MADD: variants seen among roughly 807,000 people sequenced by gnomAD.
MADD encodes the protein MAP kinase-activating death domain protein.
In MADD, 109 loss-of-function variants were observed where a neutral mutation model predicts 176.7. That is an observed-to-expected ratio of 0.62 (90% CI 0.53 to 0.72). The LOEUF (loss-of-function observed/expected upper bound fraction) is 0.72. Among genes scored for constraint, MADD ranks in the 30% least tolerant of loss-of-function variants. MADD has a pLI of 0.00. For synonymous variants in MADD, 771 were observed against 771.3 expected, an observed-to-expected ratio of 1.00 and a Z score of 0.01; for missense variants, 1,914 against 2,045.5, an observed-to-expected ratio of 0.94 and a Z score of 1.24.
In MADD at chr11:47,328,485, G is replaced by A. The variant is rs373985466; in HGVS notation, c.4613-173G>A. On this transcript the variant is annotated intron_variant, in intron 31 of 32. Coordinates refer to ENST00000402192, the Ensembl canonical transcript of MADD. ...CATGTCCTCCCAGCTGGCAGAGTCT[G>A]GACAGAGCCTCTGGTGGCCTCTGCC... The A allele has an allele frequency of 9.0e-5, 133 of 1,483,554 alleles. No homozygotes were observed. The African/African-American group carries it at 1.8e-3, about 20-fold the overall frequency. The allele number at this position is 1,483,554 out of a possible 1,614,324, so 91.9% of individuals were successfully genotyped here. A position where few individuals can be genotyped will look rare whatever the true frequency, so the allele number is the denominator to read the frequency against.
At chr11:47,309,223 T>C in intron 23 of MADD, 58 bp from the exon 27 acceptor site, 1 of 1,582,512 alleles carries the variant, frequency 6.3e-7, no homozygotes, top group Non-Finnish European at 8.6e-7. Flanking sequence ...TATTTTTGTT[T>C]GGCAGCTATA....
intron 7 of MADD, among the ~76,000 whole-genome samples, chr11:47,280,359 TG>T (rs1410783983): frequency 6.6e-6 from 1 of 152,156 alleles, no homozygotes; most frequent in East Asian, 1.9e-4. Flanking sequence ...TGGGTCATTG[TG>T]TTTCATCCCT....
rs1332931691 is a variant in MADD at position 47,322,194 on chromosome 11, A to G, written c.4198-1477A>G. On this transcript the variant is annotated intron_variant, in intron 27 of 32. Coordinates refer to ENST00000402192, the Ensembl canonical transcript of MADD. ...CTGTGAGGAATTGTGGACACAGATG[A>G]ACTTGCTCAGGGTGGCACAGCTCAG... is the stretch of plus-strand genomic sequence containing the variant. Among the ~76,000 whole-genome samples, 5 of 152,262 alleles carry G rather than the reference A, an allele frequency of 3.3e-5. No individual in the cohort carries two copies. The East Asian group carries it at 9.6e-4, about 29-fold the overall frequency.
intron 26 of MADD, among the ~76,000 whole-genome samples, chr11:47,313,310 CT>C (rs1215130526): frequency 2.2e-3 from 319 of 144,392 alleles, no homozygotes; most frequent in Middle Eastern, 3.6e-3. Context: ...TATTTTCTTT[CT>C]TTTTTTTTTT....
In MADD at chr11:47,325,676, G is replaced by C. The variant is rs1387024578; in HGVS notation, c.4543-1062G>C. Among the ~76,000 whole-genome samples, 1 of 152,268 alleles carries C rather than the reference G, an allele frequency of 6.6e-6. No individual in the cohort carries two copies. The highest frequency in any genetic ancestry group is 1.9e-4 in the East Asian group (1 of 5,202). On this transcript the variant is annotated intron_variant, in intron 30 of 32. Transcript: ENST00000402192. The surrounding 1 kb of genome is among the most constrained non-coding windows in gnomAD (Gnocchi z 4.5). Reference sequence around the variant, plus strand: ...CCATCCCAGAGAGGGGTCTACCTAAGTGCTTTTCTGGACCACAAAGGTGTC... The same window carrying C: ...CCATCCCAGAGAGGGGTCTACCTAACTGCTTTTCTGGACCACAAAGGTGTC...
intron 20 of MADD, 114 bp from the exon 23 acceptor site, chr11:47,295,382 C>A: frequency 1.2e-6 from 1 of 810,862 alleles, no homozygotes; most frequent in Non-Finnish European, 2.1e-6. Flanking sequence ...CGTGACTTCT[C>A]TAAGGATGAT....
At chr11:47,277,207 T>C (rs2050852042) in intron 5 of MADD, among the ~76,000 whole-genome samples, 2 of 152,254 alleles carry the variant, frequency 1.3e-5, no homozygotes, top group Admixed American at 6.5e-5. Context: ...ATAGATACTT[T>C]GTTTTTTTCT....
At chr11:47,281,849 C>CTTTTTTTTT (rs1555022735) in intron 8 of MADD, 96 bp downstream of exon 8, 3 of 281,392 alleles carry the variant, frequency 1.1e-5, no homozygotes, top group Admixed American at 1.6e-4. Context: ...AACCAGGGTT[C>CTTTTTTTTT]CTTTTTTTTT....
chr11:47,315,349 G>A (rs768931633), intron 27 of MADD, 22 bp downstream of exon 30: 10 of 1,441,426 alleles, frequency 6.9e-6, no homozygotes. Context: ...TTCATGCTGG[G>A]GGCCCAAAGG....
intron 5 of MADD, 37 bp downstream of exon 5, chr11:47,276,900 G>A: frequency 6.2e-7 from 1 of 1,610,538 alleles, no homozygotes; most frequent in South Asian, 1.1e-5. Flanking sequence ...TCTCACCTCT[G>A]TCTTCCTGAG....
At chr11:47,329,409 G>A (rs949896960) in exon 33 of MADD, 22 of 500,480 alleles carry the variant, frequency 4.4e-5, no homozygotes, top group Non-Finnish European at 6.2e-5. Context: ...CTGTGGGGCC[G>A]GTGTGAACCC....
chr11:47,293,308 T>C (rs1167843822), intron 19 of MADD, among the ~76,000 whole-genome samples: 2 of 151,374 alleles, frequency 1.3e-5, no homozygotes, highest in Non-Finnish European at 3.0e-5. Context: ...GCTTTTCTTT[T>C]TTTTTTTTTT....
chr11:47,285,149 G>A lies in MADD; in HGVS notation c.2366G>A (p.Gly789Glu), dbSNP rs144777186. Residue 789 changes from glycine to glutamate, a missense_variant, in exon 13 of 33, where the codon GGG becomes GAG. Gly to Glu is a moderately conservative substitution (Grantham distance 98). Around this residue, in one of 2 missense-constraint regions of MADD, gnomAD observed 1,767 missense variants for 1,836.0 expected, o/e 0.96. Coordinates refer to ENST00000402192, the Ensembl canonical transcript of MADD. ...CCTGAGGAAGATGAGGATGAGCAGG[G>A]GGAAAGTTACACTCCCCGATTCAGC... 3.7e-6 allele frequency: 6 copies of A among 1,613,968 alleles called. No homozygotes were observed. Among genetic ancestry groups the A allele is most frequent in the African/African-American group, 2.7e-5 (2 of 74,904 alleles).
At chr11:47,280,728 C>T (rs1032791217) in intron 7 of MADD, among the ~76,000 whole-genome samples, 1 of 152,092 alleles carries the variant, frequency 6.6e-6, no homozygotes, top group Admixed American at 6.6e-5. Flanking sequence ...CTGTGCCCAG[C>T]TAATTTGTTT....
At chr11:47,278,922 CT>C in intron 6 of MADD, 76 bp from the exon 7 acceptor site, 4 of 1,234,526 alleles carry the variant, frequency 3.2e-6, no homozygotes, top group Non-Finnish European at 4.7e-6. Context: ...TATACGTCCT[CT>C]TATTTTTATT....
At chr11:47,274,602 G>T in exon 3 of MADD, 1 of 1,614,088 alleles carries the variant, frequency 6.2e-7, no homozygotes, top group African/African-American at 1.3e-5. Context: ...CTCCTGAATT[G>T]CTACGGCGAT....
chr11:47,289,474 G>T, exon 16 of MADD: 1 of 1,614,108 alleles, frequency 6.2e-7, no homozygotes, highest in Non-Finnish European at 8.5e-7. Context: ...ATCACCCCAG[G>T]GTCGATCCAG....
At chr11:47,273,482 A>G (rs913547459) in intron 1 of MADD, among the ~76,000 whole-genome samples, 2 of 152,044 alleles carry the variant, frequency 1.3e-5, no homozygotes, top group African/African-American at 4.8e-5. Flanking sequence ...GGGATTACAG[A>G]TGTGTGCCAC....
intron 6 of MADD, 136 bp from the exon 7 acceptor site, chr11:47,278,863 C>T (rs958939506): frequency 3.1e-6 from 2 of 638,492 alleles, no homozygotes; most frequent in Non-Finnish European, 5.5e-6. Context: ...GTACATATAT[C>T]TTACTGTGCA....
Sources: allele counts gnomAD v4.1 joint callset (sites outside exome capture counted in the v4.1 genomes callset), GRCh38; gene constraint gnomAD v4.1.1; regional missense constraint gnomAD v4.1.1; non-coding constraint Gnocchi (gnomAD v3.1); transcripts MANE v1.5; gene names NCBI Gene and HGNC (gene_info 2026-07-23, HGNC 2026-07-21).